The following USH2A variants were observed in gnomAD, a reference collection of about 807,000 sequenced individuals.
The protein encoded by USH2A is usherin.
USH2A carries 443 observed loss-of-function variants against 538.9 expected under a neutral mutation model. The ratio of observed to expected loss-of-function variants is 0.82; its 90% CI spans 0.76 to 0.89. The LOEUF is 0.89. USH2A is among the 40% of genes least tolerant of loss of function. The probability of loss-of-function intolerance (pLI) is 0.00; values close to 1 mark genes in which losing one functional copy is unlikely to be tolerated. For synonymous variants in USH2A, 2,413 were observed against 2,273.5 expected, an observed-to-expected ratio of 1.06 and a Z score of -1.75; for missense variants, 6,633 against 6,324.8, an observed-to-expected ratio of 1.05 and a Z score of -1.65.
intron 30 of USH2A, among the ~76,000 whole-genome samples, chr1:216,052,990 A>T (rs537540319): frequency 6.0e-4 from 91 of 152,272 alleles, no homozygotes; most frequent in African/African-American, 1.8e-3. Flanking sequence ...CTCTGAAGAT[A>T]TATCATCATC....
At chr1:216,077,259 G>C (rs2031783671) in intron 27 of USH2A, among the ~76,000 whole-genome samples, 1 of 152,022 alleles carries the variant, frequency 6.6e-6, no homozygotes, top group Non-Finnish European at 1.5e-5. Context: ...ACGTCTATGA[G>C]TTAACTTCTC....
chr1:215,818,824 G>A (rs1398313644), intron 47 of USH2A, among the ~76,000 whole-genome samples: 3 of 151,666 alleles, frequency 2.0e-5, no homozygotes, highest in East Asian at 3.9e-4. Flanking sequence ...GCTATCTTTA[G>A]TATTTGCTTA....
rs200234109 is a variant in USH2A, at chr1:216,324,213, C to T, written c.1283G>A (p.Gly428Glu). The T allele has an allele frequency of 6.2e-7, 1 of 1,613,220 alleles. No homozygotes were observed. Among genetic ancestry groups the T allele is most frequent in the East Asian group, 2.2e-5 (1 of 44,710 alleles). The change falls in exon 7 of 72, where the codon GGA becomes GAA. Residue 428 changes from glycine (G) to glutamate (E), a missense_variant. Physicochemically the swap from Gly to Glu is moderately conservative, Grantham distance 98 (BLOSUM62 -2). Coordinates refer to ENST00000307340, the MANE Select transcript of USH2A (RefSeq NM_206933.4). ...NCGAFGMKNNGDLEKPDSVNC... is the reference protein window; with the variant it reads ...NCGAFGMKNNEDLEKPDSVNC... The stretch of plus-strand genomic sequence containing the variant: ...GACAGAATCAGGTTTTTCCAAATCT[C>T]CATTGTTTTTCATTCCAAAAGCACC...
intron 4 of USH2A, 70 bp from the exon 5 acceptor site, chr1:216,327,724 G>T: frequency 6.4e-7 from 1 of 1,552,338 alleles, no homozygotes; most frequent in Non-Finnish European, 8.9e-7. Flanking sequence ...AAGTATTTAA[G>T]TGATATTCCT....
chr1:215,804,257 T>A (rs1662427937), intron 49 of USH2A, among the ~76,000 whole-genome samples: 1 of 151,936 alleles, frequency 6.6e-6, no homozygotes, highest in East Asian at 1.9e-4. Context: ...CCAAAAGCAA[T>A]GGCAACAAAA....
chr1:215,937,718 G>A (rs528297399), intron 37 of USH2A, among the ~76,000 whole-genome samples: 147 of 152,202 alleles, frequency 9.7e-4, no homozygotes, highest in African/African-American at 3.4e-3. Context: ...CTCAAGTAGC[G>A]TAACTGTGCA....
chr1:215,673,591 A>G (rs2102663931), intron 63 of USH2A, among the ~76,000 whole-genome samples: 1 of 152,364 alleles, frequency 6.6e-6, no homozygotes, highest in South Asian at 2.1e-4. Context: ...ATAAGAAAGT[A>G]GAGTCAGAGA....
intron 4 of USH2A, among the ~76,000 whole-genome samples, chr1:216,331,359 A>G (rs2037859585): frequency 6.6e-6 from 1 of 152,150 alleles, no homozygotes; most frequent in Admixed American, 6.6e-5. Flanking sequence ...GGAAATAGAC[A>G]TGACTCATAC....
chr1:216,388,924 A>G (rs1295503482), intron 3 of USH2A, among the ~76,000 whole-genome samples: 1 of 152,240 alleles, frequency 6.6e-6, no homozygotes, highest in African/African-American at 2.4e-5. Context: ...AAACTACTGT[A>G]TTTAAAGGCA....
At chr1:215,802,234 A>G (rs1210699741) in intron 49 of USH2A, among the ~76,000 whole-genome samples, 1 of 152,132 alleles carries the variant, frequency 6.6e-6, no homozygotes, top group Non-Finnish European at 1.5e-5. Context: ...TATGACACTG[A>G]AAGCAGAAGC....
chr1:215,998,950 T>A lies in USH2A; in HGVS notation c.6594A>T (p.Glu2198Asp), dbSNP rs1303758218. 6.2e-7 allele frequency: 1 copy of A among 1,613,312 alleles called. No homozygotes were observed. Reference protein sequence around the residue: ...TIWSVIYNSTELFQDHMLQYV... With the variant: ...TIWSVIYNSTDLFQDHMLQYV... The stretch of plus-strand genomic sequence containing the variant: ...ATTGTAGCATATGATCCTGGAAAAG[T>A]TCTGTACTGTTATAGATGACACTCC... Residue 2198 changes from glutamate to aspartate, a missense_variant, in exon 34 of 72, where the codon GAA (glutamate) becomes GAT (aspartate). By Grantham distance (45) the Glu-to-Asp change is conservative. Coordinates refer to ENST00000307340, the MANE Select transcript of USH2A (RefSeq NM_206933.4).
At chr1:216,351,733 C>T (rs983945624) in intron 4 of USH2A, among the ~76,000 whole-genome samples, 1 of 151,796 alleles carries the variant, frequency 6.6e-6, no homozygotes, top group Admixed American at 6.6e-5. Flanking sequence ...GTAATCCCGG[C>T]AAAGCAGCAA....
At chr1:215,961,148 T>C (rs1667189834) in intron 37 of USH2A, among the ~76,000 whole-genome samples, 1 of 152,034 alleles carries the variant, frequency 6.6e-6, no homozygotes, top group South Asian at 2.1e-4. Context: ...TGAACGATCA[T>C]CTAATAGATA....
At chr1:216,376,267 A>G (rs531444516) in intron 3 of USH2A, among the ~76,000 whole-genome samples, 2 of 152,328 alleles carry the variant, frequency 1.3e-5, no homozygotes, top group Admixed American at 6.5e-5. Flanking sequence ...GCACAACAGA[A>G]CAAGGTGAGC....
chr1:216,301,931 T>C (rs1397403956), intron 9 of USH2A, among the ~76,000 whole-genome samples: 1 of 152,162 alleles, frequency 6.6e-6, no homozygotes, highest in Admixed American at 6.5e-5. Flanking sequence ...GCTTCCCCTT[T>C]CCTCTGGCTG....
At chr1:215,818,854 A>G (rs1662930797) in intron 47 of USH2A, among the ~76,000 whole-genome samples, 1 of 151,806 alleles carries the variant, frequency 6.6e-6, no homozygotes. Context: ...ATAAGAAGAC[A>G]GTAGTTAAAG....
chr1:215,715,422 AT>A (rs1371589061), intron 61 of USH2A, among the ~76,000 whole-genome samples: 2 of 152,242 alleles, frequency 1.3e-5, no homozygotes, highest in African/African-American at 2.4e-5. Flanking sequence ...TGTCTGCTTC[AT>A]TTTTTGTATA....
intron 14 of USH2A, among the ~76,000 whole-genome samples, chr1:216,225,690 A>G (rs1194518422): frequency 3.3e-5 from 5 of 152,110 alleles, no homozygotes; most frequent in Admixed American, 6.5e-5. Flanking sequence ...TCTAAGCCCC[A>G]CTCAAACTTG....
At chr1:216,269,877 C>G (rs114586039) in intron 11 of USH2A, among the ~76,000 whole-genome samples, 1 of 152,052 alleles carries the variant, frequency 6.6e-6, no homozygotes, top group Non-Finnish European at 1.5e-5. Context: ...TTACTGACAA[C>G]AGAAAAGAGT....
Sources: gnomAD v4.1 joint callset for allele counts (sites outside exome capture counted in the v4.1 genomes callset) on GRCh38, gnomAD v4.1.1 for gene constraint, MANE v1.5 for transcripts, NCBI Gene and HGNC (gene_info 2026-07-23, HGNC 2026-07-21) for gene names.